EXOC2: variants seen among roughly 807,000 people sequenced by gnomAD.
The protein encoded by EXOC2 is exocyst complex component 2.
EXOC2 carries 70 observed loss-of-function variants against 131.8 expected under a neutral mutation model. The ratio of observed to expected loss-of-function variants is 0.53; its 90% CI spans 0.44 to 0.65. The LOEUF (loss-of-function observed/expected upper bound fraction) is 0.65. EXOC2 is among the 30% of genes least tolerant of loss of function. The probability of loss-of-function intolerance (pLI) is 0.00; values close to 1 mark genes in which losing one functional copy is unlikely to be tolerated. For synonymous variants in EXOC2, 411 were observed against 398.4 expected, an observed-to-expected ratio of 1.03 and a Z score of -0.38; for missense variants, 923 against 1,108.6, an observed-to-expected ratio of 0.83 and a Z score of 2.38.
intron 7 of EXOC2, among the ~76,000 whole-genome samples, chr6:605,487 C>T (rs370460978): frequency 1.2e-4 from 18 of 152,242 alleles, no homozygotes; most frequent in East Asian, 9.6e-4. Context: ...AGTTCATTTG[C>T]GTAGAGGTGT....
intron 23 of EXOC2, among the ~76,000 whole-genome samples, chr6:507,334 CCCACACACACCACAGCAGTGACCCCACA>C (rs1764620146): frequency 3.7e-5 from 2 of 53,976 alleles, no homozygotes; most frequent in African/African-American, 5.0e-5. Context: ...AGTGACCCCC[CCCACACACACCACAGCAGTGACCCCACA>C]CACACACACA....
chr6:535,953 G>C (rs1325622845), intron 22 of EXOC2, among the ~76,000 whole-genome samples: 1 of 152,108 alleles, frequency 6.6e-6, no homozygotes, highest in African/African-American at 2.4e-5. Flanking sequence ...TGCAGAAGTG[G>C]TATTTTTTCA....
At chr6:674,210 GTTT>G (rs1044975271) in intron 1 of EXOC2, among the ~76,000 whole-genome samples, 6 of 152,036 alleles carry the variant, frequency 3.9e-5, no homozygotes, top group African/African-American at 7.2e-5. Context: ...GCCAAAATGA[GTTT>G]TTTATTGCCA....
At chr6:517,119 C>T (rs1765202525) in intron 23 of EXOC2, among the ~76,000 whole-genome samples, 2 of 151,978 alleles carry the variant, frequency 1.3e-5, no homozygotes, top group African/African-American at 4.8e-5. Context: ...TTAGAAAAAG[C>T]CAGTTGGGGG....
At chr6:551,267 C>T (rs1757129543) in intron 21 of EXOC2, among the ~76,000 whole-genome samples, 1 of 152,188 alleles carries the variant, frequency 6.6e-6, no homozygotes, top group African/African-American at 2.4e-5. Flanking sequence ...AGGATGCGAA[C>T]CAGTGTCTTC....
rs1465311167 is a variant in EXOC2, at chr6:562,475, C to T, written c.1851+309G>A. On this transcript the variant is annotated intron_variant, in intron 17 of 27. Transcript: ENST00000230449. ...ACGTCATCTCTTCTATCCTGCTTTC[C>T]GGAAAAGCTCAAGTTGCTGAGTAAT... is the stretch of plus-strand genomic sequence containing the variant. 2.6e-5 allele frequency among the ~76,000 whole-genome samples: 4 copies of T among 152,114 alleles called. No homozygotes were observed. In the East Asian group the frequency reaches 5.8e-4, roughly 22 times the overall value.
At position 649,159 on chromosome 6, in the gene EXOC2, G is replaced by A. The variant is rs141810787; in HGVS notation, c.-43-11298C>T. 9.9e-5 allele frequency among the ~76,000 whole-genome samples: 15 copies of A among 152,210 alleles called. No homozygotes were observed. The East Asian group carries it at 2.9e-3, about 29-fold the overall frequency. ...CCTTCCTCAGCCTCCAGAGTAGCTG[G>A]AACTACAGGCCCGCACCACTGTGCC... On this transcript the variant is annotated intron_variant, in intron 1 of 27. Coordinates refer to ENST00000230449, the MANE Select transcript of EXOC2 (RefSeq NM_018303.6).
At chr6:546,292 C>G (rs993855977) in intron 22 of EXOC2, among the ~76,000 whole-genome samples, 10 of 152,170 alleles carry the variant, frequency 6.6e-5, no homozygotes, top group Non-Finnish European at 1.0e-4. Flanking sequence ...AGGACGCTCC[C>G]TGTTGGCACA....
intron 1 of EXOC2, among the ~76,000 whole-genome samples, chr6:670,492 TAA>T (rs559216942): frequency 1.4e-5 from 2 of 144,884 alleles, no homozygotes; most frequent in Admixed American, 6.9e-5. Context: ...TTTTTTAATT[TAA>T]AAAAAAAAAA....
chr6:627,169 T>C (rs1761616153), intron 4 of EXOC2, among the ~76,000 whole-genome samples: 1 of 150,754 alleles, frequency 6.6e-6, no homozygotes, highest in Non-Finnish European at 1.5e-5. Context: ...TCCTTTTATC[T>C]TTCTCTAAAA....
chr6:594,932 A>G (rs200887130), intron 10 of EXOC2, among the ~76,000 whole-genome samples: 14 of 145,500 alleles, frequency 9.6e-5, no homozygotes, highest in Non-Finnish European at 9.2e-5. Flanking sequence ...GAACACTTTA[A>G]AAAGGCTTTT....
intron 6 of EXOC2, 108 bp from the exon 7 acceptor site, chr6:610,286 C>G: frequency 1.0e-6 from 1 of 988,502 alleles, no homozygotes; most frequent in Non-Finnish European, 1.5e-6. Context: ...ATTATTTTCA[C>G]TGCTGAAAAG....
intron 23 of EXOC2, among the ~76,000 whole-genome samples, chr6:529,087 C>CAAT (rs1765909367): frequency 1.4e-5 from 1 of 71,690 alleles, no homozygotes; most frequent in Admixed American, 1.6e-4. Flanking sequence ...ACCCTAAGAT[C>CAAT]CCCGTTAGCC....
intron 4 of EXOC2, among the ~76,000 whole-genome samples, chr6:627,243 CA>C (rs144043704): frequency 0.17 from 20,277 of 118,910 alleles, 1,561 homozygotes; most frequent in Non-Finnish European, 0.21. Flanking sequence ...TGACAGTATC[CA>C]AAAAAAAAAA....
intron 23 of EXOC2, among the ~76,000 whole-genome samples, chr6:510,724 G>A (rs779585095): frequency 2.6e-5 from 4 of 152,088 alleles, no homozygotes; most frequent in Admixed American, 2.0e-4. Flanking sequence ...CATAGAATAC[G>A]TTTCACAAAC....
intron 1 of EXOC2, among the ~76,000 whole-genome samples, chr6:639,140 C>G (rs1028029062): frequency 6.6e-6 from 1 of 152,090 alleles, no homozygotes. Context: ...TTTAAGAAAC[C>G]AAGCAAGAGC....
At chr6:656,456 C>T (rs1382611484) in intron 1 of EXOC2, 1 of 1,612,912 alleles carries the variant, frequency 6.2e-7, no homozygotes, top group Admixed American at 1.7e-5. Flanking sequence ...TCCTCAGCGT[C>T]CTCCAGCGCG....
At chr6:611,681 C>G (rs1760722642) in intron 6 of EXOC2, among the ~76,000 whole-genome samples, 1 of 152,170 alleles carries the variant, frequency 6.6e-6, no homozygotes, top group South Asian at 2.1e-4. Context: ...ACCAAATAAC[C>G]CAATGTCTGG....
chr6:611,040 C>G (rs1342036406), intron 6 of EXOC2, among the ~76,000 whole-genome samples: 1 of 152,120 alleles, frequency 6.6e-6, no homozygotes, highest in African/African-American at 2.4e-5. Flanking sequence ...TTTCTACATA[C>G]CAAAGCTGAA....
Sources: gnomAD v4.1 joint callset for allele counts (sites outside exome capture counted in the v4.1 genomes callset) on GRCh38, gnomAD v4.1.1 for gene constraint, MANE v1.5 for transcripts, NCBI Gene and HGNC (gene_info 2026-07-23, HGNC 2026-07-21) for gene names.